The following DPYD variants were observed in gnomAD, a reference collection of about 807,000 sequenced individuals.
The protein encoded by DPYD is dihydropyrimidine dehydrogenase [NADP(+)].
Under a neutral mutation model 116.2 loss-of-function variants are expected in DPYD, and 109 were observed. The ratio of observed to expected loss-of-function variants is 0.94; its 90% CI spans 0.80 to 1.10. DPYD has a LOEUF of 1.10. DPYD is among the 50% of genes least tolerant of loss of function. DPYD has a pLI of 0.00. For missense variants in DPYD, 1,302 were observed against 1,254.5 expected (o/e 1.04, Z -0.57); for synonymous variants, 440 against 432.0 (o/e 1.02, Z -0.23).
At chr1:97,504,238 G>A (rs1679757069) in intron 13 of DPYD, among the ~76,000 whole-genome samples, 1 of 151,882 alleles carries the variant, frequency 6.6e-6, no homozygotes, top group Non-Finnish European at 1.5e-5. Context: ...TTGGAGGTTG[G>A]TGCACCGTAT....
intron 2 of DPYD, among the ~76,000 whole-genome samples, chr1:97,834,713 GT>G (rs1299387390): frequency 2.8e-4 from 43 of 151,476 alleles, no homozygotes; most frequent in African/African-American, 1.0e-3. Context: ...GGTAATACAA[GT>G]ACATGCATTT....
chr1:97,694,253 C>T (rs918035241), intron 6 of DPYD, among the ~76,000 whole-genome samples: 3 of 152,062 alleles, frequency 2.0e-5, no homozygotes, highest in African/African-American at 7.2e-5. Context: ...TGGTTACAGT[C>T]AAGTAGGTAG....
intron 7 of DPYD, among the ~76,000 whole-genome samples, chr1:97,688,525 GA>G (rs1233619464): frequency 6.6e-6 from 1 of 151,942 alleles, no homozygotes; most frequent in Non-Finnish European, 1.5e-5. Context: ...GTTTGGAGAA[GA>G]TGACAACTTC....
intron 12 of DPYD, among the ~76,000 whole-genome samples, chr1:97,537,353 T>C (rs768093914): frequency 6.6e-6 from 1 of 152,182 alleles, no homozygotes; most frequent in Non-Finnish European, 1.5e-5. Flanking sequence ...TAAAATAAAA[T>C]AGTAAATATG....
chr1:97,233,812 C>G (rs1371889916), intron 19 of DPYD, among the ~76,000 whole-genome samples: 1 of 152,130 alleles, frequency 6.6e-6, no homozygotes. Context: ...CTTATATCAT[C>G]AGTTTTACAT....
chr1:97,185,984 A>G (rs1657968125), intron 20 of DPYD, among the ~76,000 whole-genome samples: 2 of 152,218 alleles, frequency 1.3e-5, no homozygotes, highest in Admixed American at 6.5e-5. Flanking sequence ...TTATATTTCA[A>G]TAAGGGAAAA....
chr1:97,162,367 A>T (rs1655979074), intron 20 of DPYD, among the ~76,000 whole-genome samples: 1 of 152,016 alleles, frequency 6.6e-6, no homozygotes, highest in Admixed American at 6.6e-5. Flanking sequence ...TCATGAGTGA[A>T]CTCCCATTCA....
chr1:97,310,443 T>G (rs1041385522), intron 16 of DPYD, among the ~76,000 whole-genome samples: 1 of 151,858 alleles, frequency 6.6e-6, no homozygotes, highest in African/African-American at 2.4e-5. Context: ...TCTACTTCAC[T>G]TATTCCTGTA....
At chr1:97,229,928 T>G (rs1314699566) in intron 19 of DPYD, among the ~76,000 whole-genome samples, 2 of 152,106 alleles carry the variant, frequency 1.3e-5, no homozygotes, top group Non-Finnish European at 2.9e-5. Flanking sequence ...AATCCTTGTA[T>G]CCCCTCTTCA....
At chr1:97,699,805 C>T (rs1330614889) in intron 5 of DPYD, among the ~76,000 whole-genome samples, 2 of 151,912 alleles carry the variant, frequency 1.3e-5, no homozygotes, top group East Asian at 3.9e-4. Context: ...CTAGAGGGTA[C>T]ATTAAGTGCC....
At chr1:97,499,551 A>T (rs1443673069) in intron 13 of DPYD, among the ~76,000 whole-genome samples, 1 of 151,796 alleles carries the variant, frequency 6.6e-6, no homozygotes, top group African/African-American at 2.4e-5. Context: ...TACAACTTCA[A>T]ATTCTCCTTG....
chr1:97,862,089 T>C (rs889796276), intron 2 of DPYD, among the ~76,000 whole-genome samples: 37 of 151,868 alleles, frequency 2.4e-4, no homozygotes, highest in Non-Finnish European at 1.9e-4. Context: ...AGTTTAAACA[T>C]AGTTAATAAG....
intron 18 of DPYD, among the ~76,000 whole-genome samples, chr1:97,256,506 G>A (rs1234274829): frequency 6.6e-6 from 1 of 152,084 alleles, no homozygotes; most frequent in East Asian, 1.9e-4. Flanking sequence ...TTCATAAGGA[G>A]GAGTTTCCCT....
intron 14 of DPYD, among the ~76,000 whole-genome samples, chr1:97,397,885 G>A (rs1673103611): frequency 6.6e-6 from 1 of 151,908 alleles, no homozygotes; most frequent in Non-Finnish European, 1.5e-5. Flanking sequence ...CCAAGGAGTA[G>A]AGTTGTTGGA....
intron 3 of DPYD, among the ~76,000 whole-genome samples, chr1:97,751,456 GTGTGTATATATATA>G (rs1200980138): frequency 4.1e-5 from 1 of 24,422 alleles, no homozygotes; most frequent in African/African-American, 1.1e-4. Flanking sequence ...GTGTGTGTGT[GTGTGTATATATATA>G]TATATATATA....
rs777425216 is a variant in DPYD, at chr1:97,515,815, C to T, written c.1651G>A (p.Ala551Thr). 125 of 1,612,844 alleles carry T rather than the reference C, an allele frequency of 7.8e-5. No homozygotes were observed. Among genetic ancestry groups the T allele is most frequent in the South Asian group, 6.8e-4 (62 of 91,060 alleles). Residue 551 changes from alanine to threonine, a missense_variant, in exon 13 of 23, where the codon GCA becomes ACA. Transcript: ENST00000370192. ...KFINPFGLASATPATSTSMIR... is the reference protein window; with the variant it reads ...KFINPFGLASTTPATSTSMIR... ...ATTGATGTGCTGGTGGCTGGAGTTG[C>T]GCTAGCAAGACCAAAAGGATTTATA...
At chr1:97,465,014 G>T (rs562925084) in intron 13 of DPYD, among the ~76,000 whole-genome samples, 1 of 152,320 alleles carries the variant, frequency 6.6e-6, no homozygotes, top group African/African-American at 2.4e-5. Context: ...AAAGCCACAG[G>T]ATGGAGCTGG....
intron 16 of DPYD, among the ~76,000 whole-genome samples, chr1:97,346,044 T>C (rs1669825354): frequency 6.6e-6 from 1 of 151,876 alleles, no homozygotes; most frequent in South Asian, 2.1e-4. Context: ...CTTTTAAAAG[T>C]TTTACCATAT....
At chr1:97,713,022 G>C (rs770355825) in intron 5 of DPYD, among the ~76,000 whole-genome samples, 9 of 151,844 alleles carry the variant, frequency 5.9e-5, no homozygotes, top group Non-Finnish European at 1.3e-4. Context: ...TGGCCCAAAA[G>C]GTATTTATAT....
Sources: allele counts gnomAD v4.1 joint callset (sites outside exome capture counted in the v4.1 genomes callset), GRCh38; gene constraint gnomAD v4.1.1; transcripts MANE v1.5; gene names NCBI Gene and HGNC (gene_info 2026-07-23, HGNC 2026-07-21).